NKAIN3: variants seen among roughly 807,000 people sequenced by gnomAD.
The protein encoded by NKAIN3 is sodium/potassium-transporting ATPase subunit beta-1-interacting protein 3.
A neutral mutation model predicts 30.2 loss-of-function variants in NKAIN3; 25 were observed. The ratio of observed to expected loss-of-function variants is 0.83; its 90% CI spans 0.60 to 1.16. The LOEUF is 1.16. Ranked by LOEUF, NKAIN3 falls within the 50% of genes most tolerant of loss-of-function variation. NKAIN3 has a pLI of 0.00. For missense variants in NKAIN3, 225 were observed against 254.1 expected (o/e 0.89, Z 0.78); for synonymous variants, 91 against 89.6 (o/e 1.02, Z -0.09).
intron 1 of NKAIN3, among the ~76,000 whole-genome samples, chr8:62,304,020 C>T (rs1814139868): frequency 6.6e-6 from 1 of 150,576 alleles, no homozygotes; most frequent in Non-Finnish European, 1.5e-5. Context: ...AACAAGACTT[C>T]ACCTTCTTCC....
At chr8:62,692,899 C>A (rs769156714) in intron 3 of NKAIN3, among the ~76,000 whole-genome samples, 18 of 152,170 alleles carry the variant, frequency 1.2e-4, no homozygotes, top group Non-Finnish European at 2.2e-4. Context: ...GGACATACAT[C>A]TGCAGTTCTA....
intron 3 of NKAIN3, among the ~76,000 whole-genome samples, chr8:62,668,866 G>C (rs1000019643): frequency 1.3e-5 from 2 of 152,222 alleles, no homozygotes; most frequent in Middle Eastern, 3.4e-3. Context: ...CCTTCAATCT[G>C]TCTATAAATT....
chr8:62,318,356 G>A (rs558893814), intron 1 of NKAIN3, among the ~76,000 whole-genome samples: 3 of 152,104 alleles, frequency 2.0e-5, no homozygotes, highest in Non-Finnish European at 2.9e-5. Context: ...GTGGTGAGAG[G>A]GCATCCCTGT....
At chr8:62,460,422 A>G (rs1805961784) in intron 1 of NKAIN3, among the ~76,000 whole-genome samples, 1 of 151,944 alleles carries the variant, frequency 6.6e-6, no homozygotes, top group Admixed American at 6.6e-5. Context: ...AAAAAAAAAA[A>G]AAAAAGAAAG....
rs1289716020 is a variant in NKAIN3, at chr8:62,653,908, A to G, written c.273+64114A>G. On this transcript the variant is annotated intron_variant, in intron 3 of 6. Transcript: ENST00000623646. ...AGAGAGAAACTCAAAATTGACAAGC[A>G]TTTTCTGTGGACTCAAGGGTTCTAA... is the stretch of plus-strand genomic sequence containing the variant. Among the ~76,000 whole-genome samples the G allele has an allele frequency of 2.0e-5, 3 of 152,204 alleles. No individual in the cohort carries two copies. The East Asian group carries it at 5.8e-4, about 30-fold the overall frequency.
intron 1 of NKAIN3, among the ~76,000 whole-genome samples, chr8:62,345,328 CATATAT>C (rs1815903734): frequency 8.5e-6 from 1 of 117,432 alleles, no homozygotes; most frequent in Non-Finnish European, 1.7e-5. Flanking sequence ...CATATATACA[CATATAT>C]GTATATATAC....
At chr8:62,560,980 A>G (rs1048487614) in intron 1 of NKAIN3, among the ~76,000 whole-genome samples, 11 of 151,816 alleles carry the variant, frequency 7.2e-5, no homozygotes, top group Admixed American at 2.6e-4. Context: ...TTTGTTGAAG[A>G]TCTTTAATCT....
chr8:62,541,418 C>T (rs1192237470), intron 1 of NKAIN3, among the ~76,000 whole-genome samples: 1 of 152,122 alleles, frequency 6.6e-6, no homozygotes, highest in Non-Finnish European at 1.5e-5. Flanking sequence ...CCTTCCTGGC[C>T]CAAGTTAATA....
intron 5 of NKAIN3, among the ~76,000 whole-genome samples, chr8:62,922,817 T>C (rs4551347): frequency 0.77 from 116,892 of 151,680 alleles, 45,845 homozygotes; most frequent in East Asian, 0.98. Context: ...TCTCCTTCAG[T>C]CTCACTAGAG....
At chr8:62,321,496 G>A (rs1814903298) in intron 1 of NKAIN3, among the ~76,000 whole-genome samples, 1 of 152,194 alleles carries the variant, frequency 6.6e-6, no homozygotes, top group African/African-American at 2.4e-5. Context: ...GTGACGTACA[G>A]ATGGAGTTTT....
chr8:62,651,364 C>A (rs1396047626), intron 3 of NKAIN3, among the ~76,000 whole-genome samples: 1 of 152,124 alleles, frequency 6.6e-6, no homozygotes, highest in East Asian at 1.9e-4. Flanking sequence ...TAAAAAGATT[C>A]AAGTCTCATA....
At chr8:62,787,717 C>T (rs1817568485) in intron 4 of NKAIN3, among the ~76,000 whole-genome samples, 1 of 152,006 alleles carries the variant, frequency 6.6e-6, no homozygotes, top group South Asian at 2.1e-4. Context: ...GTGTGATGTT[C>T]CCCTTCCTGT....
intron 4 of NKAIN3, among the ~76,000 whole-genome samples, chr8:62,853,714 A>C (rs1426425330): frequency 6.6e-6 from 1 of 151,950 alleles, no homozygotes; most frequent in Non-Finnish European, 1.5e-5. Flanking sequence ...CCTTCAATTC[A>C]GCTCTGATGT....
chr8:62,330,424 A>G (rs1815304250), intron 1 of NKAIN3, among the ~76,000 whole-genome samples: 1 of 151,988 alleles, frequency 6.6e-6, no homozygotes, highest in African/African-American at 2.4e-5. Context: ...GGCAGTAGGA[A>G]AGAGAGGGAG....
intron 1 of NKAIN3, among the ~76,000 whole-genome samples, chr8:62,269,839 T>C (rs954567319): frequency 1.3e-5 from 2 of 152,086 alleles, no homozygotes; most frequent in African/African-American, 4.8e-5. Context: ...ATGCATATAA[T>C]GCATAATTTC....
At chr8:62,459,863 C>T (rs2129599381) in intron 1 of NKAIN3, among the ~76,000 whole-genome samples, 1 of 152,216 alleles carries the variant, frequency 6.6e-6, no homozygotes, top group Middle Eastern at 3.4e-3. Flanking sequence ...AAGAAAATAT[C>T]ATGTGGGACT....
rs1456009061 is a variant in NKAIN3 at position 62,982,469 on chromosome 8, T to G, written c.*17062T>G. 2 of 152,246 alleles carry G rather than the reference T, an allele frequency of 1.3e-5. No homozygotes were observed. The highest frequency in any genetic ancestry group is 2.9e-5 in the Non-Finnish European group (2 of 68,042). 9.4% of individuals were successfully genotyped at this position (152,246 alleles called of 1,614,324 possible). A position where few individuals can be genotyped will look rare whatever the true frequency, so the allele number is the denominator to read the frequency against. Reference sequence around the variant, plus strand: ...TAAATAATTAGATTTGTGTAAACTATATTTTAGAGTCTTCCAAAACGCCTC... The same window carrying G: ...TAAATAATTAGATTTGTGTAAACTAGATTTTAGAGTCTTCCAAAACGCCTC... On this transcript the variant is annotated 3_prime_UTR_variant, in exon 7 of 7. Transcript: ENST00000623646.
At chr8:62,770,974 A>C (rs554871579) in intron 4 of NKAIN3, among the ~76,000 whole-genome samples, 1 of 152,156 alleles carries the variant, frequency 6.6e-6, no homozygotes, top group Non-Finnish European at 1.5e-5. Context: ...GACAACAAAA[A>C]ATGAGACATG....
chr8:62,727,327 A>G (rs1193010247), intron 3 of NKAIN3, among the ~76,000 whole-genome samples: 4 of 152,166 alleles, frequency 2.6e-5, no homozygotes, highest in Admixed American at 2.0e-4. Context: ...CTTTTTTACC[A>G]TCATACTGGA....
Sources: allele counts gnomAD v4.1 joint callset (sites outside exome capture counted in the v4.1 genomes callset), GRCh38; gene constraint gnomAD v4.1.1; transcripts MANE v1.5; gene names NCBI Gene and HGNC (gene_info 2026-07-23, HGNC 2026-07-21).